CCDC81: variants seen among roughly 807,000 people sequenced by gnomAD.
The protein encoded by CCDC81 is coiled-coil domain-containing protein 81.
A neutral mutation model predicts 83.7 loss-of-function variants in CCDC81; 79 were observed. The ratio of observed to expected loss-of-function variants is 0.94; its 90% CI spans 0.79 to 1.14. The LOEUF (loss-of-function observed/expected upper bound fraction) is 1.14, where lower values mean the gene tolerates loss of function less well. Among genes scored for constraint, CCDC81 ranks in the 50% most tolerant of loss-of-function variants. CCDC81 has a pLI of 0.00. For missense variants in CCDC81, 791 were observed against 778.1 expected (o/e 1.02, Z -0.20); for synonymous variants, 252 against 278.1 (o/e 0.91, Z 0.93).
intron 10 of CCDC81, among the ~76,000 whole-genome samples, chr11:86,409,576 C>T (rs1233490535): frequency 1.3e-5 from 2 of 152,118 alleles, no homozygotes; most frequent in South Asian, 2.1e-4. Flanking sequence ...CTCAGCCTCC[C>T]GAGTAGCTGG....
chr11:86,414,868 G>T lies in CCDC81; in HGVS notation c.1470+1G>T. The T allele has an allele frequency of 6.3e-7, 1 of 1,598,400 alleles. No homozygotes were observed. The highest frequency in any genetic ancestry group is 8.5e-7 in the Non-Finnish European group (1 of 1,174,820). On this transcript the variant is annotated splice_donor_variant, in intron 12 of 14. Transcript: ENST00000445632. LOFTEE classifies it high-confidence loss of function. Reference sequence around the variant, plus strand: ...TTACAAGAGAGCTTTGGATGCACAGGTAAGGGGACAGACAAATATTATTTT... The same window carrying T: ...TTACAAGAGAGCTTTGGATGCACAGTTAAGGGGACAGACAAATATTATTTT...
intron 7 of CCDC81, among the ~76,000 whole-genome samples, 175 bp downstream of exon 7, chr11:86,400,976 A>G: frequency 6.6e-6 from 1 of 152,176 alleles, no homozygotes. Context: ...ATCTAGTGGG[A>G]AAGCCAGACA....
intron 4 of CCDC81, among the ~76,000 whole-genome samples, chr11:86,393,212 G>A (rs555215692): frequency 2.6e-5 from 4 of 152,170 alleles, no homozygotes; most frequent in Non-Finnish European, 4.4e-5. Context: ...ACAGGTGCGC[G>A]CCACCATGCC....
At chr11:86,407,732 C>A (rs1948581792) in intron 8 of CCDC81, 31 bp downstream of exon 8, 15 of 1,512,860 alleles carry the variant, frequency 9.9e-6, no homozygotes, top group Non-Finnish European at 1.4e-5. Flanking sequence ...TAAGTCCCAT[C>A]AGAATCTTAT....
chr11:86,394,308 T>C (rs1038627115), intron 4 of CCDC81, among the ~76,000 whole-genome samples: 2 of 152,080 alleles, frequency 1.3e-5, no homozygotes, highest in African/African-American at 4.8e-5. Flanking sequence ...TCCTGAAAAA[T>C]ACTCTATGAA....
Position 86,408,202 on chromosome 11 carries a change from A to G in CCDC81, c.1045A>G (p.Ile349Val). 2 of 1,614,108 alleles carry G rather than the reference A, an allele frequency of 1.2e-6. No homozygotes were observed. The highest frequency in any genetic ancestry group is 1.7e-6 in the Non-Finnish European group (2 of 1,179,960). Residue 349 changes from isoleucine (I) to valine (V), a missense_variant, in exon 9 of 15, where the codon ATA becomes GTA. By Grantham distance (29) the Ile-to-Val change is conservative. Coordinates refer to ENST00000445632, the MANE Select transcript of CCDC81 (RefSeq NM_001156474.2). ...CTACAGTGAGGAAAGGAGGAGAGAG[A>G]TAGAAGATGAGAGACTCATACAGCA... ...LYYSEERRRE[I>V]EDERLIQQYQ...
chr11:86,387,134 A>G (rs376968684), intron 2 of CCDC81, among the ~76,000 whole-genome samples: 15 of 152,372 alleles, frequency 9.8e-5, no homozygotes, highest in African/African-American at 3.6e-4. Flanking sequence ...GGAATGAGAA[A>G]GCAGAGATTC....
At chr11:86,412,818 G>A (rs12272337) in intron 11 of CCDC81, among the ~76,000 whole-genome samples, 51,805 of 152,062 alleles carry the variant, frequency 0.34, 9,316 homozygotes, top group Admixed American at 0.41. Flanking sequence ...GGCAGGCTGT[G>A]GGGCTCTGGC....
chr11:86,384,514 C>A (rs1421466154), intron 1 of CCDC81, among the ~76,000 whole-genome samples: 3 of 152,198 alleles, frequency 2.0e-5, no homozygotes. Context: ...TTCTCATCCA[C>A]CAAACCTGCC....
At position 86,408,252 on chromosome 11, in the gene CCDC81, G is replaced by A. The variant is rs1203832266; in HGVS notation, c.1095G>A (p.Glu365=). The part of the protein sequence containing the change: ...IQQYQMLKDQ[E]ALFRHQMKSL... ...AGTATCAGATGTTAAAGGATCAGGA[G>A]GCTCTCTTCAGACACCAGGTAGTCC... The change falls in exon 9 of 15, where the codon GAG becomes GAA. Residue 365 remains glutamate (E), a synonymous_variant. Coordinates refer to ENST00000445632, the MANE Select transcript of CCDC81 (RefSeq NM_001156474.2). The A allele has an allele frequency of 1.2e-6, 2 of 1,612,832 alleles. No individual in the cohort carries two copies. Among genetic ancestry groups the A allele is most frequent in the African/African-American group, 1.3e-5 (1 of 74,860 alleles).
chr11:86,400,886 C>A, intron 7 of CCDC81, 85 bp downstream of exon 7: 1 of 1,335,872 alleles, frequency 7.5e-7, no homozygotes, highest in South Asian at 1.5e-5. Flanking sequence ...TGTAATTGTT[C>A]ATTAATTCAT....
At chr11:86,412,305 T>C in intron 10 of CCDC81, 82 bp from the exon 11 acceptor site, 1 of 1,106,660 alleles carries the variant, frequency 9.0e-7, no homozygotes. Flanking sequence ...AGAAATACTT[T>C]CTGATTTATC....
chr11:86,395,222 A>G (rs1948388145), intron 4 of CCDC81, 112 bp from the exon 5 acceptor site: 1 of 754,910 alleles, frequency 1.3e-6, no homozygotes, highest in Admixed American at 2.6e-5. Context: ...CTTAACATAA[A>G]CAACAACAAG....
intron 4 of CCDC81, among the ~76,000 whole-genome samples, chr11:86,394,948 A>G (rs1948383342): frequency 6.6e-6 from 1 of 152,186 alleles, no homozygotes; most frequent in Non-Finnish European, 1.5e-5. Context: ...CTGACTCGAA[A>G]GCTTTTCTCT....
At position 86,381,045 on chromosome 11, in the gene CCDC81, C is replaced by G. The variant is rs116804590; in HGVS notation, c.80-5006C>G. On this transcript the variant is annotated intron_variant, in intron 1 of 14. Transcript: ENST00000445632. ...GGTAAAAGTAACTGCTATAAATAGG[C>G]CTTTAGTAATGTAGGGGTAGAGTGT... 6.7e-3 allele frequency among the ~76,000 whole-genome samples: 1,010 copies of G among 151,792 alleles called. 10 individuals carry two copies. The highest frequency in any genetic ancestry group is 0.023 in the African/African-American group (951 of 41,352).
chr11:86,420,312 T>G (rs1948773282), intron 14 of CCDC81, among the ~76,000 whole-genome samples: 1 of 152,194 alleles, frequency 6.6e-6, no homozygotes, highest in South Asian at 2.1e-4. Flanking sequence ...TTTATTTGCT[T>G]TTTGTGGAGA....
chr11:86,385,445 A>G (rs887470773), intron 1 of CCDC81, among the ~76,000 whole-genome samples: 1 of 152,224 alleles, frequency 6.6e-6, no homozygotes, highest in Non-Finnish European at 1.5e-5. Flanking sequence ...AACACAGTAG[A>G]TAAGAAGCAA....
At chr11:86,408,071 C>A (rs1308390960) in intron 8 of CCDC81, 56 bp from the exon 9 acceptor site, 2 of 1,571,636 alleles carry the variant, frequency 1.3e-6, no homozygotes, top group Non-Finnish European at 1.7e-6. Flanking sequence ...GAAGGGAATG[C>A]GAAAGCAAAA....
chr11:86,385,369 A>G (rs1948228383), intron 1 of CCDC81, among the ~76,000 whole-genome samples: 1 of 152,112 alleles, frequency 6.6e-6, no homozygotes, highest in Non-Finnish European at 1.5e-5. Context: ...TGGGTGACAG[A>G]GTGATACCCT....
Sources: allele counts gnomAD v4.1 joint callset (sites outside exome capture counted in the v4.1 genomes callset), GRCh38; gene constraint gnomAD v4.1.1; transcripts MANE v1.5; gene names NCBI Gene and HGNC (gene_info 2026-07-23, HGNC 2026-07-21).